Variants in CFAP61 observed in about 807,000 individuals in gnomAD.
The protein encoded by CFAP61 is cilia and flagella associated protein 61.
In CFAP61, 107 loss-of-function variants were observed where a neutral mutation model predicts 135.6. That is an observed-to-expected ratio of 0.79 (90% CI 0.67 to 0.93). The LOEUF (loss-of-function observed/expected upper bound fraction) is 0.93, where lower values mean the gene tolerates loss of function less well. Ranked by LOEUF, CFAP61 falls within the 40% of genes least tolerant of loss-of-function variation. The probability of loss-of-function intolerance (pLI) is 0.00; values close to 1 mark genes in which losing one functional copy is unlikely to be tolerated. For synonymous variants in CFAP61, 575 were observed against 578.5 expected, an observed-to-expected ratio of 0.99 and a Z score of 0.09; for missense variants, 1,507 against 1,556.2, an observed-to-expected ratio of 0.97 and a Z score of 0.53.
intron 17 of CFAP61, among the ~76,000 whole-genome samples, chr20:20,217,741 C>T (rs917474023): frequency 1.3e-5 from 2 of 152,260 alleles, no homozygotes; most frequent in Admixed American, 1.3e-4. Flanking sequence ...GAAGGGAGGT[C>T]GTGGTGTGGA....
intron 13 of CFAP61, among the ~76,000 whole-genome samples, chr20:20,186,956 GCAGT>G (rs1217134860): frequency 6.6e-6 from 1 of 152,168 alleles, no homozygotes; most frequent in Non-Finnish European, 1.5e-5. Context: ...CTGGTGTGGG[GCAGT>G]CAGTCTCTCC....
chr20:20,106,000 C>CTATATATA (rs10523115), intron 8 of CFAP61, among the ~76,000 whole-genome samples: 86 of 102,588 alleles, frequency 8.4e-4, no homozygotes, highest in Non-Finnish European at 1.0e-3. Flanking sequence ...CTACTCTTGC[C>CTATATATA]TATATATATA....
intron 8 of CFAP61, among the ~76,000 whole-genome samples, chr20:20,124,446 A>C (rs1886429927): frequency 6.6e-6 from 1 of 151,832 alleles, no homozygotes; most frequent in Non-Finnish European, 1.5e-5. Flanking sequence ...TTTTAATCAT[A>C]AAGCGATGCT....
Position 20,164,160 on chromosome 20 carries a change from C to T in CFAP61, c.1137C>T (p.Pro379=). The T allele has an allele frequency of 6.2e-7, 1 of 1,614,152 alleles. No homozygotes were observed. The part of the protein sequence containing the change: ...VLPEEPVHFR[P]IYRGASAAFC... ...CTGAAGAGCCCGTCCACTTCCGCCC[C>T]ATCTACAGGGGAGCCTCAGCTGCTT... The change falls in exon 11 of 27, where the codon CCC becomes CCT. Residue 379 remains proline (P), a synonymous_variant. Coordinates refer to ENST00000245957, the MANE Select transcript of CFAP61 (RefSeq NM_015585.4).
intron 12 of CFAP61, among the ~76,000 whole-genome samples, chr20:20,169,114 A>T (rs2273125): frequency 3.9e-5 from 6 of 152,120 alleles, no homozygotes; most frequent in Non-Finnish European, 8.8e-5. Context: ...TTCAGTGAGA[A>T]ACAAAGATAC....
Position 20,304,272 on chromosome 20 carries a change from C to CTGTGTGTGTGTGTG in CFAP61, c.3422+5905_3422+5918dup, listed in dbSNP as rs532157100. Among the ~76,000 whole-genome samples the CTGTGTGTGTGTGTG allele has an allele frequency of 6.7e-3, 695 of 102,996 alleles. 5 individuals carry two copies. Among genetic ancestry groups the CTGTGTGTGTGTGTG allele is most frequent in the Admixed American group, 0.02 (201 of 10,042 alleles). 67.6% of individuals were successfully genotyped at this position (102,996 alleles called of 152,430 possible). A position where few individuals can be genotyped will look rare whatever the true frequency, so the allele number is the denominator to read the frequency against. ...GACAGAACTAATCCACCATCGGTGACTGTGTGTGTGTGTGTGTGTGTGTGT... is the reference window on the plus strand; with the variant it reads ...GACAGAACTAATCCACCATCGGTGACTGTGTGTGTGTGTGTGTGTGTGTGTGTGTGTGTGTGTGT... On this transcript the variant is annotated intron_variant, in intron 25 of 26. Coordinates refer to ENST00000245957, the MANE Select transcript of CFAP61 (RefSeq NM_015585.4).
intron 25 of CFAP61, among the ~76,000 whole-genome samples, chr20:20,300,607 G>GTTT (rs760598213): frequency 6.9e-6 from 1 of 145,672 alleles, no homozygotes; most frequent in African/African-American, 2.6e-5. Context: ...TGTTTTTTTT[G>GTTT]TTTTTTTTTT....
chr20:20,296,326 C>CCTTCCCT (rs1569260658), intron 24 of CFAP61, among the ~76,000 whole-genome samples: 2 of 34,626 alleles, frequency 5.8e-5, no homozygotes, highest in African/African-American at 2.2e-4. Flanking sequence ...CTCCTTCCTT[C>CCTTCCCT]CCTTCCTTCC....
In CFAP61 at chr20:20,288,861, A is replaced by AGGGTT; in HGVS notation, c.3049_3050insGGGTT (p.Thr1017ArgfsTer7). 1 of 1,614,018 alleles carries AGGGTT rather than the reference A, an allele frequency of 6.2e-7. No individual in the cohort carries two copies. Among genetic ancestry groups the AGGGTT allele is most frequent in the Non-Finnish European group, 8.5e-7 (1 of 1,179,972 alleles). ...AGCTATGCTACATCTCTTTGATCCAACCCTTGAGCCTGTGACCGAGCCACC... is the reference window on the plus strand; with the variant it reads ...AGCTATGCTACATCTCTTTGATCCAAGGGTTCCCTTGAGCCTGTGACCGAGCCACC... On this transcript the variant is annotated frameshift_variant, in exon 23 of 27. Coordinates refer to ENST00000245957, the MANE Select transcript of CFAP61 (RefSeq NM_015585.4). LOFTEE classifies it high-confidence loss of function.
intron 25 of CFAP61, among the ~76,000 whole-genome samples, chr20:20,323,825 C>T (rs186568090): frequency 2.0e-5 from 3 of 152,278 alleles, no homozygotes; most frequent in Admixed American, 1.3e-4. Flanking sequence ...ATATTTTTCT[C>T]TAAATATACA....
chr20:20,285,644 A>G (rs927777249), intron 22 of CFAP61, among the ~76,000 whole-genome samples: 12 of 152,154 alleles, frequency 7.9e-5, no homozygotes, highest in Non-Finnish European at 1.5e-4. Context: ...GAGGCCAGAC[A>G]CAGTGGCTCA....
intron 8 of CFAP61, among the ~76,000 whole-genome samples, chr20:20,115,875 A>G (rs1467173109): frequency 6.6e-6 from 1 of 152,190 alleles, no homozygotes; most frequent in Non-Finnish European, 1.5e-5. Context: ...TATTTTGGCT[A>G]TTGCGAATAG....
At position 20,052,844 on chromosome 20, in the gene CFAP61, T is replaced by C. The variant is rs1230883738; in HGVS notation, c.-37+253T>C. On this transcript the variant is annotated intron_variant, in intron 1 of 26. Coordinates refer to ENST00000245957, the MANE Select transcript of CFAP61 (RefSeq NM_015585.4). ...GAGCTGCCGCCCTTTTAGGCTGCAA[T>C]GCCTCGAGCATTGCATTCTAGTAGT... 14 of 932,644 alleles carry C rather than the reference T, an allele frequency of 1.5e-5. 1 individual carries two copies. Among genetic ancestry groups the C allele is most frequent in the Middle Eastern group, 3.1e-4 (1 of 3,190 alleles). 57.8% of individuals were successfully genotyped at this position (932,644 alleles called of 1,614,324 possible).
intron 8 of CFAP61, among the ~76,000 whole-genome samples, 195 bp from the exon 9 acceptor site, chr20:20,142,662 A>G (rs948543250): frequency 3.3e-5 from 5 of 152,132 alleles, no homozygotes; most frequent in African/African-American, 1.2e-4. Flanking sequence ...GAACTAGCCC[A>G]GAATCCCTCC....
rs114741605 is a variant in CFAP61 at position 20,261,218 on chromosome 20, C to G, written c.2329-1738C>G. ...GTTTGAAATTGCATTAAATACATCA[C>G]GGCAATGTACTAAGGCTTTACAATT... On this transcript the variant is annotated intron_variant, in intron 20 of 26. Coordinates refer to ENST00000245957, the MANE Select transcript of CFAP61 (RefSeq NM_015585.4). Among the ~76,000 whole-genome samples the G allele has an allele frequency of 2.0e-3, 312 of 152,244 alleles. 1 individual carries two copies. Among genetic ancestry groups the G allele is most frequent in the African/African-American group, 7.2e-3 (300 of 41,540 alleles).
chr20:20,239,938 A>G (rs1245006715), intron 18 of CFAP61, among the ~76,000 whole-genome samples: 1 of 150,172 alleles, frequency 6.7e-6, no homozygotes, highest in Non-Finnish European at 1.5e-5. Context: ...TTGTGGGGGC[A>G]TTCAAGAGAT....
chr20:20,168,089 CT>C (rs1226787770), intron 12 of CFAP61, among the ~76,000 whole-genome samples: 1 of 152,106 alleles, frequency 6.6e-6, no homozygotes, highest in African/African-American at 2.4e-5. Flanking sequence ...ATGCCCAATC[CT>C]TTTTTTAAAG....
intron 13 of CFAP61, among the ~76,000 whole-genome samples, chr20:20,174,022 G>C (rs554460242): frequency 6.6e-6 from 1 of 152,188 alleles, no homozygotes; most frequent in Admixed American, 6.5e-5. Flanking sequence ...CACTTGTCTG[G>C]GAATTAGTTT....
intron 8 of CFAP61, among the ~76,000 whole-genome samples, chr20:20,138,305 C>G (rs2051099982): frequency 6.6e-6 from 1 of 152,238 alleles, no homozygotes; most frequent in South Asian, 2.1e-4. Flanking sequence ...TCCGGTAGCT[C>G]AGTCCTCGTG....
Sources: gnomAD v4.1 joint callset for allele counts (sites outside exome capture counted in the v4.1 genomes callset) on GRCh38, gnomAD v4.1.1 for gene constraint, MANE v1.5 for transcripts, NCBI Gene and HGNC (gene_info 2026-07-23, HGNC 2026-07-21) for gene names.